SKI: variants seen among roughly 807,000 people sequenced by gnomAD.
SKI encodes the protein ski oncogene.
A neutral mutation model predicts 59.3 loss-of-function variants in SKI; 23 were observed. The observed-to-expected ratio is 0.39, with a 90% CI of 0.28 to 0.55. The LOEUF (loss-of-function observed/expected upper bound fraction) is 0.55, where lower values mean the gene tolerates loss of function less well. Among genes scored for constraint, SKI ranks in the 20% least tolerant of loss-of-function variants. SKI has a pLI of 0.67. For synonymous variants in SKI, 673 were observed against 488.6 expected (o/e 1.38, Z -4.98); for missense variants, 1,017 against 1,038.9 (o/e 0.98, Z 0.29).
Position 2,247,997 on chromosome 1 carries a change from GGGGGGCGC to G in SKI, c.969+18265_969+18272del, listed in dbSNP as rs1452229587. 22 of 152,852 alleles carry G rather than the reference GGGGGGCGC, an allele frequency of 1.4e-4. 1 individual carries two copies. Among genetic ancestry groups the G allele is most frequent in the Admixed American group, 1.2e-3 (18 of 15,316 alleles). 9.5% of individuals were successfully genotyped at this position (152,852 alleles called of 1,614,324 possible). On this transcript the variant is annotated intron_variant, in intron 1 of 6. Transcript: ENST00000378536. ...TTGTTTGGCTCTGCTGGTGGTGACG[GGGGGGCGC>G]GGTGGCGGGGGGCCTTGGTCGCGTC...
chr1:2,243,380 G>GC (rs1228468667), intron 1 of SKI, among the ~76,000 whole-genome samples: 1 of 152,242 alleles, frequency 6.6e-6, no homozygotes, highest in Non-Finnish European at 1.5e-5. Context: ...TGCCCCGCCT[G>GC]CCCTTTCTGC....
intron 1 of SKI, among the ~76,000 whole-genome samples, chr1:2,271,870 T>C (rs1639630045): frequency 1.3e-5 from 2 of 152,190 alleles, no homozygotes. Flanking sequence ...TGGGGAGGAT[T>C]GGCTGGTGAT....
rs1340938631 is a variant in SKI at position 2,309,715 on chromosome 1, C to T, written c.*2950C>T. The T allele has an allele frequency of 1.4e-5, 1 of 71,388 alleles. No homozygotes were observed. The highest frequency in any genetic ancestry group is 5.7e-5 in the African/African-American group (1 of 17,656). 4.4% of individuals were successfully genotyped at this position (71,388 alleles called of 1,614,324 possible). The stretch of plus-strand genomic sequence containing the variant: ...GGGTCCGAACCCCGGCCCCCCCACC[C>T]CCTCCTCCCTGTGGGTCCGAACCCC... On this transcript the variant is annotated 3_prime_UTR_variant, in exon 7 of 7. Coordinates refer to ENST00000378536, the MANE Select transcript of SKI (RefSeq NM_003036.4).
intron 1 of SKI, among the ~76,000 whole-genome samples, chr1:2,296,606 C>G (rs952823142): frequency 2.4e-4 from 37 of 152,068 alleles, no homozygotes; most frequent in Admixed American, 2.3e-3. Flanking sequence ...TTGCAGAGTT[C>G]TTCATGTGTT....
chr1:2,306,384 C>T (rs1184592403), intron 6 of SKI, 134 bp downstream of exon 6: 18 of 1,011,650 alleles, frequency 1.8e-5, no homozygotes, highest in Non-Finnish European at 2.3e-5. Flanking sequence ...GTGCGTGCCC[C>T]CCCGACGGGC....
chr1:2,289,508 G>C (rs1214817245), intron 1 of SKI, among the ~76,000 whole-genome samples: 1 of 140,158 alleles, frequency 7.1e-6, no homozygotes, highest in Non-Finnish European at 1.6e-5. Flanking sequence ...GGGGTGGGGG[G>C]GTGCAGGGCA....
intron 1 of SKI, among the ~76,000 whole-genome samples, chr1:2,250,730 C>T (rs1639128336): frequency 2.0e-5 from 3 of 152,254 alleles, no homozygotes; most frequent in East Asian, 1.9e-4. Flanking sequence ...CCCCTGGCCA[C>T]GCTCTGCCGT....
At chr1:2,287,375 C>T (rs796794083) in intron 1 of SKI, among the ~76,000 whole-genome samples, 66 of 143,562 alleles carry the variant, frequency 4.6e-4, no homozygotes, top group African/African-American at 1.0e-3. Context: ...CTGGCTCTGT[C>T]GCCCAGGCTG....
intron 1 of SKI, among the ~76,000 whole-genome samples, chr1:2,284,658 C>G (rs1020076154): frequency 2.0e-5 from 3 of 152,172 alleles, no homozygotes; most frequent in Admixed American, 6.5e-5. Flanking sequence ...GCATGGGCCT[C>G]TTGCGGCGGC....
intron 1 of SKI, among the ~76,000 whole-genome samples, chr1:2,295,375 G>T (rs1359626823): frequency 6.6e-6 from 1 of 152,208 alleles, no homozygotes; most frequent in Non-Finnish European, 1.5e-5. Context: ...TCATATTTTT[G>T]ATTTTTAAAA....
chr1:2,272,982 C>T (rs1320259691), intron 1 of SKI, among the ~76,000 whole-genome samples: 1 of 152,216 alleles, frequency 6.6e-6, no homozygotes, highest in Non-Finnish European at 1.5e-5. Context: ...TAAAAGTCAT[C>T]AGCTGGCCCC....
Position 2,307,748 on chromosome 1 carries a change from C to A in SKI, c.*983C>A, listed in dbSNP as rs1640634244. Reference sequence around the variant, plus strand: ...TATATTTAGAACTGCACTTTGTCCACAACCTTCCCTTCTCTTTCTATTCCC... The same window carrying A: ...TATATTTAGAACTGCACTTTGTCCAAAACCTTCCCTTCTCTTTCTATTCCC... On this transcript the variant is annotated 3_prime_UTR_variant, in exon 7 of 7. Coordinates refer to ENST00000378536, the MANE Select transcript of SKI (RefSeq NM_003036.4). The A allele has an allele frequency of 6.6e-6, 1 of 152,586 alleles. No individual in the cohort carries two copies. The highest frequency in any genetic ancestry group is 1.5e-5 in the Non-Finnish European group (1 of 68,052). 9.5% of individuals were successfully genotyped at this position (152,586 alleles called of 1,614,324 possible). A position where few individuals can be genotyped will look rare whatever the true frequency, so the allele number is the denominator to read the frequency against.
At position 2,307,272 on chromosome 1, in the gene SKI, T is replaced by C. The variant is rs2100928120; in HGVS notation, c.*507T>C. ...AGCAGGGGTTTTTCTTCAGAGTCTA[T>C]TTTTTCAGCGACAAGGACCCAGGTC... On this transcript the variant is annotated 3_prime_UTR_variant, in exon 7 of 7. Coordinates refer to ENST00000378536, the MANE Select transcript of SKI (RefSeq NM_003036.4). 1 of 150,718 alleles carries C rather than the reference T, an allele frequency of 6.6e-6. No individual in the cohort carries two copies. The highest frequency in any genetic ancestry group is 2.0e-4 in the East Asian group (1 of 4,886). 9.3% of individuals were successfully genotyped at this position (150,718 alleles called of 1,614,324 possible).
chr1:2,244,713 T>C (rs2100813518), intron 1 of SKI, among the ~76,000 whole-genome samples: 1 of 152,340 alleles, frequency 6.6e-6, no homozygotes, highest in Non-Finnish European at 1.5e-5. Context: ...TCAGTATTTT[T>C]TTCTGTAACT....
At chr1:2,287,080 G>T (rs1640054985) in intron 1 of SKI, among the ~76,000 whole-genome samples, 1 of 151,942 alleles carries the variant, frequency 6.6e-6, no homozygotes, top group African/African-American at 2.4e-5. Context: ...TGAGTGTCCA[G>T]CTGCAGGCCC....
chr1:2,304,255 CT>C, intron 4 of SKI, 37 bp from the exon 5 acceptor site: 1 of 1,551,912 alleles, frequency 6.4e-7, no homozygotes, highest in Non-Finnish European at 8.7e-7. Flanking sequence ...CTGCCGGGCA[CT>C]TCCATGACTT....
intron 1 of SKI, among the ~76,000 whole-genome samples, chr1:2,275,703 G>A (rs184908815): frequency 1.1e-3 from 175 of 152,248 alleles, no homozygotes; most frequent in African/African-American, 3.9e-3. Context: ...TAGTAGAGAC[G>A]GGGTTTCACC....
At chr1:2,243,259 G>T (rs1638918944) in intron 1 of SKI, among the ~76,000 whole-genome samples, 1 of 152,238 alleles carries the variant, frequency 6.6e-6, no homozygotes, top group African/African-American at 2.4e-5. Flanking sequence ...CACATCACAC[G>T]GGCTTCGTGA....
intron 5 of SKI, among the ~76,000 whole-genome samples, chr1:2,305,609 A>T (rs2100922862): frequency 6.6e-6 from 1 of 152,146 alleles, no homozygotes; most frequent in Middle Eastern, 3.4e-3. Context: ...CGCCGGGCGG[A>T]TGGACGTGTC....
Sources: gnomAD v4.1 joint callset for allele counts (sites outside exome capture counted in the v4.1 genomes callset) on GRCh38, gnomAD v4.1.1 for gene constraint, MANE v1.5 for transcripts, NCBI Gene and HGNC (gene_info 2026-07-23, HGNC 2026-07-21) for gene names.